Variants in ULK2 observed in about 807,000 individuals in gnomAD.
ULK2 encodes the protein serine/threonine-protein kinase ULK2.
A neutral mutation model predicts 127.5 loss-of-function variants in ULK2; 76 were observed. That is an observed-to-expected ratio of 0.60 (90% CI 0.50 to 0.72). The LOEUF is 0.72. Among genes scored for constraint, ULK2 ranks in the 30% least tolerant of loss-of-function variants. The pLI is 0.00. For missense variants in ULK2, 1,144 were observed against 1,295.9 expected (o/e 0.88, Z 1.80); for synonymous variants, 452 against 461.9 (o/e 0.98, Z 0.28).
chr17:19,801,909 G>T lies in ULK2; in HGVS notation c.1309C>A (p.Arg437=). 1 of 1,606,658 alleles carries T rather than the reference G, an allele frequency of 6.2e-7. No homozygotes were observed. Among genetic ancestry groups the T allele is most frequent in the South Asian group, 1.1e-5 (1 of 90,160 alleles). The change falls in exon 16 of 27, where the codon CGA becomes AGA. Residue 437 remains arginine (R), a synonymous_variant. Coordinates refer to ENST00000395544, the MANE Select transcript of ULK2 (RefSeq NM_014683.4). The part of the protein sequence containing the change: ...VHGSPRSAVV[R]RSNTSPMGFL... ...CCCATGGGGCTGGTGTTGGACCTTC[G>T]TACCACTGCAGATCTGAAAAGTAAA...
chr17:19,805,400 G>C (rs2087494106), intron 14 of ULK2, among the ~76,000 whole-genome samples: 2 of 152,148 alleles, frequency 1.3e-5, no homozygotes, highest in African/African-American at 4.8e-5. Flanking sequence ...TTCAGAAATA[G>C]AATGTCCTTA....
chr17:19,822,644 A>G (rs1005864697), intron 12 of ULK2, among the ~76,000 whole-genome samples: 2 of 151,696 alleles, frequency 1.3e-5, no homozygotes, highest in South Asian at 2.1e-4. Flanking sequence ...CTGGGATTAT[A>G]GGCATGAACC....
At chr17:19,828,526 T>G (rs1197684652) in intron 10 of ULK2, among the ~76,000 whole-genome samples, 1 of 152,162 alleles carries the variant, frequency 6.6e-6, no homozygotes, top group Admixed American at 6.6e-5. Flanking sequence ...AAAGTTAATA[T>G]GAATTCAGTA....
At chr17:19,858,646 A>G (rs906878136) in intron 3 of ULK2, among the ~76,000 whole-genome samples, 4 of 152,142 alleles carry the variant, frequency 2.6e-5, no homozygotes, top group African/African-American at 4.8e-5. Context: ...ATACAGCAAA[A>G]AGATGACTGA....
chr17:19,865,021 C>T (rs1244214664), intron 2 of ULK2, among the ~76,000 whole-genome samples, 177 bp from the exon 3 acceptor site: 4 of 151,966 alleles, frequency 2.6e-5, no homozygotes, highest in Non-Finnish European at 4.4e-5. Flanking sequence ...AGCACATTAT[C>T]TCACTGAAAG....
chr17:19,800,536 A>AT lies in ULK2; in HGVS notation c.1442-962dup, dbSNP rs572240657. Among the ~76,000 whole-genome samples, 682 of 152,242 alleles carry AT rather than the reference A, an allele frequency of 4.5e-3. 2 individuals carry two copies. The highest frequency in any genetic ancestry group is 0.016 in the African/African-American group (653 of 41,534). On this transcript the variant is annotated intron_variant, in intron 16 of 26. Coordinates refer to ENST00000395544, the MANE Select transcript of ULK2 (RefSeq NM_014683.4). ...GAAAGGGCCAAAATTTTATTTAAAG[A>AT]TTTTTCATCTAAAAACAGCTTTGAA... is the stretch of plus-strand genomic sequence containing the variant.
chr17:19,856,032 A>G (rs2042119633), intron 3 of ULK2: 1 of 152,170 alleles, frequency 6.6e-6, no homozygotes, highest in African/African-American at 2.4e-5. Context: ...CTAAATAAGT[A>G]TTTAAAAATA....
intron 21 of ULK2, among the ~76,000 whole-genome samples, chr17:19,784,518 T>C (rs2086986889): frequency 7.9e-6 from 1 of 126,894 alleles, no homozygotes; most frequent in Non-Finnish European, 1.6e-5. Context: ...TGATACTTTT[T>C]TTTTTTTTTT....
chr17:19,779,839 C>T (rs1015365829), intron 25 of ULK2, among the ~76,000 whole-genome samples: 2 of 152,000 alleles, frequency 1.3e-5, no homozygotes, highest in Non-Finnish European at 2.9e-5. Context: ...GCAGAAAATG[C>T]AGAAACAGAT....
rs1454882160 is a variant in ULK2, at chr17:19,810,456, A to T, written c.1097-18T>A. On this transcript the variant is annotated intron_variant, in intron 13 of 26. Transcript: ENST00000395544. ...CATATCACCTAAAGGAGAGAAAAGAACAATCAGTTCCTGTTATACCATCTG... is the reference window on the plus strand; with the variant it reads ...CATATCACCTAAAGGAGAGAAAAGATCAATCAGTTCCTGTTATACCATCTG... The T allele has an allele frequency of 6.5e-7, 1 of 1,543,940 alleles. No individual in the cohort carries two copies. Among genetic ancestry groups the T allele is most frequent in the South Asian group, 1.2e-5 (1 of 84,876 alleles).
chr17:19,801,719 G>A, intron 16 of ULK2, 58 bp downstream of exon 16: 1 of 1,599,918 alleles, frequency 6.3e-7, no homozygotes, highest in Non-Finnish European at 8.5e-7. Flanking sequence ...AATGTGTCAT[G>A]TCAGATTTAT....
chr17:19,867,339 G>GC lies in ULK2; in HGVS notation c.78dup (p.Arg27AlafsTer7). The GC allele has an allele frequency of 1.9e-6, 3 of 1,598,018 alleles. No individual in the cohort carries two copies. The highest frequency in any genetic ancestry group is 1.4e-5 in the African/African-American group (1 of 73,050). ...CGGCCGGCGCTCACCTGGCGGTGCC[G>GC]CCCCCGGAAGACCACGGCGAAGGCC... On this transcript the variant is annotated frameshift_variant, in exon 1 of 27. Coordinates refer to ENST00000395544, the MANE Select transcript of ULK2 (RefSeq NM_014683.4). LOFTEE classifies it high-confidence loss of function.
intron 12 of ULK2, 92 bp from the exon 13 acceptor site, chr17:19,817,012 C>T (rs764933230): frequency 8.5e-7 from 1 of 1,176,906 alleles, no homozygotes. Flanking sequence ...TTTTCCCCCA[C>T]AAAAGTGGGC....
chr17:19,837,287 T>G (rs1028859617), intron 10 of ULK2, among the ~76,000 whole-genome samples: 12 of 151,090 alleles, frequency 7.9e-5, no homozygotes, highest in African/African-American at 1.2e-4. Context: ...AGAGGTGGTG[T>G]TGTACACCTG....
intron 17 of ULK2, among the ~76,000 whole-genome samples, chr17:19,799,160 C>CAA (rs899604997): frequency 7.3e-5 from 5 of 68,646 alleles, no homozygotes; most frequent in East Asian, 7.3e-4. Context: ...GACTCCATTT[C>CAA]AAAAAAAAAA....
intron 6 of ULK2, 143 bp downstream of exon 6, chr17:19,846,594 C>A (rs897910508): frequency 3.5e-5 from 31 of 884,846 alleles, no homozygotes; most frequent in Non-Finnish European, 5.0e-5. Context: ...GAGCCAAGAT[C>A]GCGCCACTAC....
chr17:19,808,623 C>A (rs896797284), intron 14 of ULK2, among the ~76,000 whole-genome samples: 3 of 152,150 alleles, frequency 2.0e-5, no homozygotes, highest in African/African-American at 7.2e-5. Context: ...AAGATCTTGA[C>A]TGGACATTTC....
chr17:19,860,709 A>C (rs950917306), intron 3 of ULK2, among the ~76,000 whole-genome samples: 1 of 152,090 alleles, frequency 6.6e-6, no homozygotes, highest in Admixed American at 6.6e-5. Flanking sequence ...TTTTTAGTGG[A>C]GACAGGGTTT....
intron 3 of ULK2, among the ~76,000 whole-genome samples, chr17:19,860,347 G>A (rs1445951256): frequency 1.3e-5 from 2 of 152,228 alleles, no homozygotes; most frequent in South Asian, 2.1e-4. Context: ...ACTTCGGACA[G>A]ATAACCAAAA....
Sources: gnomAD v4.1 joint callset for allele counts (sites outside exome capture counted in the v4.1 genomes callset) on GRCh38, gnomAD v4.1.1 for gene constraint, MANE v1.5 for transcripts, NCBI Gene and HGNC (gene_info 2026-07-23, HGNC 2026-07-21) for gene names.